PTPRT: variants seen among roughly 807,000 people sequenced by gnomAD.
PTPRT encodes the protein protein tyrosine phosphatase receptor type T.
Under a neutral mutation model 176.8 loss-of-function variants are expected in PTPRT, and 56 were observed. The ratio of observed to expected loss-of-function variants is 0.32; its 90% CI spans 0.26 to 0.40. The LOEUF (loss-of-function observed/expected upper bound fraction) is 0.40, where lower values mean the gene tolerates loss of function less well. PTPRT is among the 10% of genes least tolerant of loss of function. PTPRT has a pLI of 1.00. For synonymous variants in PTPRT, 783 were observed against 739.0 expected (o/e 1.06, Z -0.96); for missense variants, 1,540 against 1,908.2 (o/e 0.81, Z 3.60).
At chr20:42,790,974 T>C (rs2077366035) in intron 3 of PTPRT, among the ~76,000 whole-genome samples, 1 of 152,188 alleles carries the variant, frequency 6.6e-6, no homozygotes, top group African/African-American at 2.4e-5. Context: ...TCCTGGTACA[T>C]TGTTATTTTA....
At chr20:42,421,262 ACGCACACACACACACGCATG>A (rs2059116023) in intron 9 of PTPRT, among the ~76,000 whole-genome samples, 2 of 122,422 alleles carry the variant, frequency 1.6e-5, no homozygotes, top group African/African-American at 3.1e-5. Flanking sequence ...ACACGCACGC[ACGCACACACACACACGCATG>A]CACACACACA....
chr20:42,251,594 C>T (rs893721906), intron 13 of PTPRT, among the ~76,000 whole-genome samples: 1 of 151,816 alleles, frequency 6.6e-6, no homozygotes, highest in Non-Finnish European at 1.5e-5. Flanking sequence ...GAGCAATTCA[C>T]CCCTAATAGG....
At chr20:42,305,598 C>T (rs1287992614) in intron 12 of PTPRT, among the ~76,000 whole-genome samples, 1 of 150,574 alleles carries the variant, frequency 6.6e-6, no homozygotes. Context: ...TCAGTTTTAA[C>T]ATGTGTGTGC....
chr20:43,159,961 G>C (rs2014645057), intron 1 of PTPRT, among the ~76,000 whole-genome samples: 1 of 150,410 alleles, frequency 6.6e-6, no homozygotes, highest in Non-Finnish European at 1.5e-5. Context: ...ACACTGGTAA[G>C]TTGACCCAGA....
intron 9 of PTPRT, among the ~76,000 whole-genome samples, chr20:42,362,981 G>A (rs1418250311): frequency 2.0e-5 from 3 of 150,962 alleles, no homozygotes; most frequent in South Asian, 2.1e-4. Context: ...TGGCGGGCGC[G>A]GGTAATCCTA....
chr20:42,427,686 G>GC (rs1166124314), intron 9 of PTPRT, among the ~76,000 whole-genome samples: 1 of 152,126 alleles, frequency 6.6e-6, no homozygotes, highest in Non-Finnish European at 1.5e-5. Flanking sequence ...CCCAGGCCAG[G>GC]CCATCGCATC....
chr20:43,176,882 A>G (rs1287223319), intron 1 of PTPRT, among the ~76,000 whole-genome samples: 1 of 152,206 alleles, frequency 6.6e-6, no homozygotes, highest in Non-Finnish European at 1.5e-5. Context: ...TTCTATGTAC[A>G]AGCAGGATTC....
chr20:42,856,448 G>C lies in PTPRT; in HGVS notation c.214+29359C>G, dbSNP rs988995024. On this transcript the variant is annotated intron_variant, in intron 2 of 30. Transcript: ENST00000373187. The stretch of plus-strand genomic sequence containing the variant: ...TTTTAAAACTCACCCTGGAAGAAGA[G>C]ATGCTCCAGGAAACATAAATAGATC... Among the ~76,000 whole-genome samples, 4 of 152,040 alleles carry C rather than the reference G, an allele frequency of 2.6e-5. No individual in the cohort carries two copies. The South Asian group carries it at 8.3e-4, about 32-fold the overall frequency.
rs149107824 is a variant in PTPRT, at chr20:43,182,732, T to C, written c.88+6914A>G. Among the ~76,000 whole-genome samples the C allele has an allele frequency of 3.5e-3, 531 of 152,270 alleles. 2 individuals carry two copies. The highest frequency in any genetic ancestry group is 6.0e-3 in the Non-Finnish European group (410 of 68,018). On this transcript the variant is annotated intron_variant, in intron 1 of 30. Coordinates refer to ENST00000373187, the MANE Select transcript of PTPRT (RefSeq NM_007050.6). ...TCTTTTAAGAGCAGCGCTTGAACTATTAGCGTGAAGTTCCTCCTGGGTGTT... is the reference window on the plus strand; with the variant it reads ...TCTTTTAAGAGCAGCGCTTGAACTACTAGCGTGAAGTTCCTCCTGGGTGTT...
intron 12 of PTPRT, among the ~76,000 whole-genome samples, chr20:42,311,766 TTA>T (rs2057634298): frequency 6.6e-6 from 1 of 152,172 alleles, no homozygotes. Context: ...TCATGTTTAC[TTA>T]TAGTTTTCTT....
chr20:42,143,473 C>T (rs376065369), intron 17 of PTPRT, among the ~76,000 whole-genome samples: 7 of 150,854 alleles, frequency 4.6e-5, no homozygotes, highest in Admixed American at 3.3e-4. Context: ...AGGAGAATGG[C>T]GTGAACCCGG....
At chr20:42,052,999 C>T in the PTPRT span, among the ~76,000 whole-genome samples, 1 of 152,204 alleles carries the variant, frequency 6.6e-6, no homozygotes, top group Non-Finnish European at 1.5e-5. Flanking sequence ...AATGCGTCAA[C>T]TCTGCCATAG....
chr20:42,210,504 GACAA>G (rs1384090030), intron 15 of PTPRT, among the ~76,000 whole-genome samples: 1 of 151,822 alleles, frequency 6.6e-6, no homozygotes, highest in Non-Finnish European at 1.5e-5. Flanking sequence ...TACACCAACA[GACAA>G]ACAGAGAGCC....
At chr20:43,066,877 T>C (rs1431946504) in intron 1 of PTPRT, among the ~76,000 whole-genome samples, 2 of 152,248 alleles carry the variant, frequency 1.3e-5, no homozygotes, top group African/African-American at 4.8e-5. Flanking sequence ...GTTGTTCACA[T>C]ATTTTCTCTG....
intron 1 of PTPRT, among the ~76,000 whole-genome samples, chr20:43,090,694 A>C (rs2011806264): frequency 6.6e-6 from 1 of 152,234 alleles, no homozygotes; most frequent in African/African-American, 2.4e-5. Context: ...TAAAAAATTA[A>C]AGAAATTTCC....
At chr20:42,330,231 GA>G (rs1321230355) in intron 11 of PTPRT, among the ~76,000 whole-genome samples, 2 of 152,160 alleles carry the variant, frequency 1.3e-5, no homozygotes, top group African/African-American at 2.4e-5. Context: ...AGCACTTTGG[GA>G]GGCTGAGGTG....
chr20:42,184,487 T>TCCTTCCTCCCC (rs1990645525), intron 16 of PTPRT, among the ~76,000 whole-genome samples: 1 of 126,394 alleles, frequency 7.9e-6, no homozygotes, highest in Non-Finnish European at 1.6e-5. Flanking sequence ...CTTTCTTCCC[T>TCCTTCCTCCCC]CCTTCCTCCC....
intron 7 of PTPRT, among the ~76,000 whole-genome samples, chr20:42,633,959 TATA>T (rs1429190189): frequency 9.9e-5 from 2 of 20,288 alleles, no homozygotes; most frequent in Non-Finnish European, 1.6e-4. Context: ...TATAATTATA[TATA>T]ATATATTATA....
At chr20:42,869,399 G>A (rs1234677196) in intron 2 of PTPRT, among the ~76,000 whole-genome samples, 1 of 152,128 alleles carries the variant, frequency 6.6e-6, no homozygotes, top group Non-Finnish European at 1.5e-5. Context: ...CTTGCTGCAC[G>A]GTGTCCAAAA....
Sources: allele counts gnomAD v4.1 joint callset (sites outside exome capture counted in the v4.1 genomes callset), GRCh38; gene constraint gnomAD v4.1.1; transcripts MANE v1.5; gene names NCBI Gene and HGNC (gene_info 2026-07-23, HGNC 2026-07-21).